The following AMD1 variants were observed in gnomAD, a reference collection of about 807,000 sequenced individuals.
AMD1 encodes adenosylmethionine decarboxylase 1.
A neutral mutation model predicts 40.2 loss-of-function variants in AMD1; 11 were observed. The observed-to-expected ratio is 0.27, with a 90% CI of 0.17 to 0.45. AMD1 has a LOEUF of 0.45. AMD1 is among the 20% of genes least tolerant of loss of function. The pLI, the probability that AMD1 is intolerant of heterozygous loss-of-function variation, is 1.00. For missense variants in AMD1, 257 were observed against 410.2 expected (o/e 0.63, Z 3.23); for synonymous variants, 121 against 130.8 (o/e 0.93, Z 0.51).
chr6:110,893,553 G>A lies in AMD1; in HGVS notation c.942G>A (p.Met314Ile). 1 of 1,614,042 alleles carries A rather than the reference G, an allele frequency of 6.2e-7. No homozygotes were observed. The highest frequency in any genetic ancestry group is 8.5e-7 in the Non-Finnish European group (1 of 1,179,944). Residue 314 changes from methionine (M) to isoleucine (I), a missense_variant, in exon 9 of 9, where the codon ATG becomes ATA. Transcript: ENST00000368885. Reference protein sequence around the residue: ...GFKRLDCQSAMFNDYNFVFTS... With the variant: ...GFKRLDCQSAIFNDYNFVFTS... ...AGCGTCTTGATTGCCAGAGTGCTAT[G>A]TTCAATGATTACAATTTTGTTTTTA...
intron 1 of AMD1, among the ~76,000 whole-genome samples, chr6:110,876,361 T>C (rs1044481036): frequency 1.3e-5 from 2 of 152,156 alleles, no homozygotes; most frequent in Admixed American, 6.5e-5. Context: ...GCCAGCTTCA[T>C]TGAGAGGCGG....
chr6:110,875,220 G>A lies in AMD1; in HGVS notation c.110+5G>A. The A allele has an allele frequency of 1.2e-6, 2 of 1,600,662 alleles. No individual in the cohort carries two copies. Among genetic ancestry groups the A allele is most frequent in the Non-Finnish European group, 1.7e-6 (2 of 1,173,760 alleles). ...GGATCTTCGCACTATCCCAAGGTGG[G>A]TCCCCGGGGCGCTCGCTGACATCCG... On this transcript the variant is annotated splice_donor_5th_base_variant and intron_variant, in intron 1 of 8. Transcript: ENST00000368885.
At chr6:110,827,767 A>C in the AMD1 span, among the ~76,000 whole-genome samples, 1 of 76,770 alleles carries the variant, frequency 1.3e-5, no homozygotes, top group Admixed American at 1.0e-4. Flanking sequence ...CTCCATCTCA[A>C]AAAAAAAAAA....
chr6:110,820,832 G>A, the AMD1 span, among the ~76,000 whole-genome samples: 2 of 152,084 alleles, frequency 1.3e-5, no homozygotes, highest in African/African-American at 4.8e-5. Flanking sequence ...GAACCCGGGA[G>A]GCAGAGGTTA....
the AMD1 span, among the ~76,000 whole-genome samples, chr6:110,855,485 T>C: frequency 2.0e-5 from 3 of 152,202 alleles, no homozygotes; most frequent in Non-Finnish European, 2.9e-5. Context: ...ATCACTTGGC[T>C]GACCATCTGG....
chr6:110,883,691 A>G (rs1234439558), intron 1 of AMD1, among the ~76,000 whole-genome samples: 2 of 152,112 alleles, frequency 1.3e-5, no homozygotes, highest in Non-Finnish European at 2.9e-5. Context: ...TTCCGGGTTC[A>G]TGCCATTCTC....
At chr6:110,818,518 T>C in the AMD1 span, among the ~76,000 whole-genome samples, 2 of 151,438 alleles carry the variant, frequency 1.3e-5, no homozygotes, top group Non-Finnish European at 2.9e-5. Context: ...GATTCCAGTA[T>C]CTTATTTATA....
At chr6:110,840,013 C>CTTTTTTT in the AMD1 span, among the ~76,000 whole-genome samples, 5 of 92,864 alleles carry the variant, frequency 5.4e-5, no homozygotes, top group Non-Finnish European at 1.1e-4. Flanking sequence ...GATTCTCTCT[C>CTTTTTTT]TTTTTTTTTT....
the AMD1 span, among the ~76,000 whole-genome samples, chr6:110,860,504 A>T: frequency 6.6e-6 from 1 of 152,150 alleles, no homozygotes; most frequent in African/African-American, 2.4e-5. Context: ...GTGATTAAAA[A>T]AAAACACACA....
the AMD1 span, among the ~76,000 whole-genome samples, chr6:110,836,178 A>G: frequency 1.3e-5 from 2 of 152,148 alleles, no homozygotes; most frequent in Admixed American, 1.3e-4. Context: ...TTGACCTAAC[A>G]GTTCCACTTT....
chr6:110,875,524 G>A (rs1785051633), intron 1 of AMD1: 1 of 266,022 alleles, frequency 3.8e-6, no homozygotes, highest in African/African-American at 2.2e-5. Flanking sequence ...GCCCGGGGTG[G>A]TTTTGCGGCC....
chr6:110,823,362 G>T, the AMD1 span, among the ~76,000 whole-genome samples: 11 of 152,236 alleles, frequency 7.2e-5, no homozygotes, highest in Admixed American at 6.5e-4. Flanking sequence ...CGTAGTACTG[G>T]AAGTACTAAC....
the AMD1 span, among the ~76,000 whole-genome samples, chr6:110,831,730 C>T: frequency 1.3e-5 from 2 of 152,228 alleles, no homozygotes; most frequent in African/African-American, 4.8e-5. Flanking sequence ...AACACCACTC[C>T]TGTTTTCAGC....
chr6:110,843,773 C>T, the AMD1 span, among the ~76,000 whole-genome samples: 2 of 151,690 alleles, frequency 1.3e-5, no homozygotes, highest in Non-Finnish European at 2.9e-5. Context: ...TTTTTTTGTA[C>T]CGGTGGGGTC....
At chr6:110,860,119 G>A in the AMD1 span, among the ~76,000 whole-genome samples, 12 of 152,038 alleles carry the variant, frequency 7.9e-5, no homozygotes, top group African/African-American at 2.7e-4. Context: ...GAGCCACCAT[G>A]CCCAGCCCCT....
the AMD1 span, among the ~76,000 whole-genome samples, chr6:110,850,184 T>A: frequency 6.6e-6 from 1 of 152,134 alleles, no homozygotes; most frequent in Non-Finnish European, 1.5e-5. Context: ...AAAGAACTGA[T>A]TTCCTGCAAC....
chr6:110,826,593 G>A, the AMD1 span, among the ~76,000 whole-genome samples: 1 of 152,056 alleles, frequency 6.6e-6, no homozygotes, highest in Admixed American at 6.6e-5. Context: ...AGCCTCGGCA[G>A]TCCTTGCTTT....
At chr6:110,830,550 GC>G in the AMD1 span, among the ~76,000 whole-genome samples, 246 of 152,278 alleles carry the variant, frequency 1.6e-3, 1 homozygote, top group African/African-American at 5.8e-3. Context: ...TAAATAACCT[GC>G]CCCTTAATTT....
At chr6:110,832,257 AG>A in the AMD1 span, among the ~76,000 whole-genome samples, 1 of 151,756 alleles carries the variant, frequency 6.6e-6, no homozygotes, top group African/African-American at 2.4e-5. Flanking sequence ...CACCTGCTTT[AG>A]CCCCCCAAAG....
Sources: allele counts gnomAD v4.1 joint callset (sites outside exome capture counted in the v4.1 genomes callset), GRCh38; gene constraint gnomAD v4.1.1; transcripts MANE v1.5; gene names NCBI Gene and HGNC (gene_info 2026-07-23, HGNC 2026-07-21).